ANXA8: variants seen among roughly 807,000 people sequenced by gnomAD.
ANXA8 encodes VAC-beta.
A neutral mutation model predicts 26.8 loss-of-function variants in ANXA8; 9 were observed. That is an observed-to-expected ratio of 0.34 (90% CI 0.20 to 0.59). The LOEUF (loss-of-function observed/expected upper bound fraction) is 0.59. Among genes scored for constraint, ANXA8 ranks in the 20% least tolerant of loss-of-function variants. The probability of loss-of-function intolerance (pLI) is 0.84; values close to 1 mark genes in which losing one functional copy is unlikely to be tolerated. For synonymous variants in ANXA8, 39 were observed against 94.8 expected, an observed-to-expected ratio of 0.41 and a Z score of 3.42; for missense variants, 83 against 238.5, an observed-to-expected ratio of 0.35 and a Z score of 4.29.
At chr10:47,974,757 G>T in the ANXA8 span, among the ~76,000 whole-genome samples, 29 of 148,682 alleles carry the variant, frequency 2.0e-4, no homozygotes, top group African/African-American at 5.8e-4. Context: ...TGGTCCAAGA[G>T]TGTGTTTGGT....
chr10:47,940,979 C>A, the ANXA8 span, among the ~76,000 whole-genome samples: 1 of 142,014 alleles, frequency 7.0e-6, no homozygotes, highest in Admixed American at 7.1e-5. Flanking sequence ...ACCATGGTCC[C>A]CTGCCAATTC....
At chr10:47,522,388 A>G in the ANXA8 span, among the ~76,000 whole-genome samples, 6 of 149,894 alleles carry the variant, frequency 4.0e-5, 1 homozygote, top group African/African-American at 1.5e-4. Context: ...CCTCATAGGT[A>G]AACTCCTTTG....
At chr10:47,668,281 AT>A in the ANXA8 span, among the ~76,000 whole-genome samples, 3 of 150,460 alleles carry the variant, frequency 2.0e-5, no homozygotes, top group South Asian at 2.1e-4. Flanking sequence ...AAAAGTATCG[AT>A]TTTTTTTCAT....
the ANXA8 span, among the ~76,000 whole-genome samples, chr10:47,722,461 C>G: frequency 7.2e-6 from 1 of 138,236 alleles, no homozygotes; most frequent in African/African-American, 2.6e-5. Context: ...TTAGGCAGCA[C>G]TAGGAAATGT....
chr10:47,907,104 C>A, the ANXA8 span, among the ~76,000 whole-genome samples: 4 of 151,792 alleles, frequency 2.6e-5, no homozygotes, highest in South Asian at 8.3e-4. Flanking sequence ...TGCTTGTAAT[C>A]CCAGCACTTT....
chr10:47,584,815 T>TGGTG, the ANXA8 span, among the ~76,000 whole-genome samples: 4 of 121,046 alleles, frequency 3.3e-5, no homozygotes, highest in South Asian at 2.7e-4. Context: ...AGGCCGGGAG[T>TGGTG]GGTGGCTCAC....
At chr10:47,474,491 C>T in intron 7 of ANXA8, 93 bp from the exon 8 acceptor site, 1 of 840,716 alleles carries the variant, frequency 1.2e-6, no homozygotes, top group Non-Finnish European at 1.8e-6. Flanking sequence ...CATGGCCTGG[C>T]CCTGTCCACT....
At chr10:47,639,314 A>ATT in the ANXA8 span, among the ~76,000 whole-genome samples, 4,132 of 73,972 alleles carry the variant, frequency 0.056, 13 homozygotes, top group Non-Finnish European at 0.076. Context: ...TATTATTATT[A>ATT]TTTTTTTTTT....
chr10:47,699,507 A>G, the ANXA8 span, among the ~76,000 whole-genome samples: 2 of 151,634 alleles, frequency 1.3e-5, no homozygotes, highest in African/African-American at 2.4e-5. Flanking sequence ...ATTCAATGAT[A>G]TAACAGGATG....
chr10:47,483,782 T>G, intron 1 of ANXA8, 131 bp downstream of exon 1: 1 of 1,603,584 alleles, frequency 6.2e-7, no homozygotes, highest in Non-Finnish European at 8.5e-7. Flanking sequence ...CCTCCATGCT[T>G]GGCCCAGGAG....
At chr10:47,523,990 TGCC>T in the ANXA8 span, among the ~76,000 whole-genome samples, 254 of 148,094 alleles carry the variant, frequency 1.7e-3, no homozygotes, top group African/African-American at 6.0e-3. Flanking sequence ...CCACCCTGCC[TGCC>T]ACCCCTCCCC....
the ANXA8 span, among the ~76,000 whole-genome samples, chr10:47,953,650 T>C: frequency 6.7e-6 from 1 of 149,796 alleles, no homozygotes; most frequent in Non-Finnish European, 1.5e-5. Flanking sequence ...AAACTACCCA[T>C]CTGATCAATA....
chr10:47,683,846 A>G, the ANXA8 span, among the ~76,000 whole-genome samples: 1 of 151,260 alleles, frequency 6.6e-6, no homozygotes, highest in Non-Finnish European at 1.5e-5. Flanking sequence ...AATAGACATG[A>G]AAAGGCATTA....
At chr10:47,699,952 A>G in the ANXA8 span, among the ~76,000 whole-genome samples, 1 of 151,902 alleles carries the variant, frequency 6.6e-6, no homozygotes, top group African/African-American at 2.4e-5. Context: ...TACAGTTAAC[A>G]AGAAATATGC....
chr10:47,677,403 C>CA, the ANXA8 span, among the ~76,000 whole-genome samples: 1 of 151,834 alleles, frequency 6.6e-6, no homozygotes, highest in East Asian at 1.9e-4. Flanking sequence ...GAAAACAGGA[C>CA]AAAAATACAT....
chr10:47,675,938 A>G, the ANXA8 span, among the ~76,000 whole-genome samples: 2 of 151,564 alleles, frequency 1.3e-5, no homozygotes, highest in Non-Finnish European at 2.9e-5. Flanking sequence ...TTGAAATTCT[A>G]TTAAATAGAG....
the ANXA8 span, among the ~76,000 whole-genome samples, chr10:47,920,039 T>C: frequency 0.35 from 3,917 of 11,324 alleles, 295 homozygotes; most frequent in Non-Finnish European, 0.39. Context: ...GCTGCGACTG[T>C]TCTTTATCTT....
the ANXA8 span, among the ~76,000 whole-genome samples, chr10:47,548,357 A>G: frequency 1.4e-5 from 2 of 146,758 alleles, no homozygotes; most frequent in Non-Finnish European, 3.0e-5. Context: ...GCTAGAGTGC[A>G]ATGGCACGAT....
the ANXA8 span, chr10:47,503,064 G>T: frequency 1.2e-6 from 2 of 1,611,264 alleles, no homozygotes; most frequent in Middle Eastern, 1.7e-4. Flanking sequence ...TAGAGCTGGA[G>T]ATGGGTGCAC....
Sources: allele counts gnomAD v4.1 joint callset (sites outside exome capture counted in the v4.1 genomes callset), GRCh38; gene constraint gnomAD v4.1.1; transcripts MANE v1.5; gene names NCBI Gene and HGNC (gene_info 2026-07-23, HGNC 2026-07-21).